SP2: variants seen among roughly 807,000 people sequenced by gnomAD.
The protein encoded by SP2 is transcription factor Sp2.
Under a neutral mutation model 50.1 loss-of-function variants are expected in SP2, and 9 were observed. That is an observed-to-expected ratio of 0.18 (90% CI 0.11 to 0.31). SP2 has a LOEUF of 0.31. SP2 is among the 10% of genes least tolerant of loss of function. The pLI, the probability that SP2 is intolerant of heterozygous loss-of-function variation, is 1.00. For synonymous variants in SP2, 313 were observed against 326.6 expected (o/e 0.96, Z 0.45); for missense variants, 581 against 806.5 (o/e 0.72, Z 3.39).
chr17:47,918,016 G>A (rs1431299558), intron 3 of SP2, among the ~76,000 whole-genome samples: 1 of 152,100 alleles, frequency 6.6e-6, no homozygotes, highest in Admixed American at 6.5e-5. Flanking sequence ...GGAACCAGGA[G>A]TCAATTGAGA....
chr17:47,916,503 A>G lies in SP2; in HGVS notation c.432A>G (p.Gln144=). 1.2e-6 allele frequency: 2 copies of G among 1,614,032 alleles called. No individual in the cohort carries two copies. The highest frequency in any genetic ancestry group is 1.7e-6 in the Non-Finnish European group (2 of 1,179,992). ...CTCAGATTCAGGCAAGCAATTCCCA[A>G]ACCATCCAAGTACAGCCCAATCTCA... ...AVPQIQASNS[Q]TIQVQPNLTN... Residue 144 remains glutamine (Q), a synonymous_variant, in exon 3 of 7, where the codon CAA becomes CAG. Transcript: ENST00000376741. This position sits in a 1 kb window ranked among gnomAD's most constrained non-coding sequence, Gnocchi z 4.7.
downstream of SP2, among the ~76,000 whole-genome samples, chr17:47,929,198 C>G (rs1260919291): frequency 6.6e-6 from 1 of 152,268 alleles, no homozygotes; most frequent in Non-Finnish European, 1.5e-5. Flanking sequence ...GTGTTCCTGC[C>G]TTTTTCTTCT....
intron 1 of SP2, among the ~76,000 whole-genome samples, chr17:47,913,461 C>G (rs2035069196): frequency 6.6e-6 from 1 of 152,188 alleles, no homozygotes; most frequent in Non-Finnish European, 1.5e-5. Flanking sequence ...GGATTGAAGT[C>G]TGACTCTGCC....
At chr17:47,903,039 AG>A in intron 1 of SP2, among the ~76,000 whole-genome samples, 1 of 152,312 alleles carries the variant, frequency 6.6e-6, no homozygotes, top group South Asian at 2.1e-4. Context: ...TACAGGCGTG[AG>A]CCACAGCGCC....
chr17:47,922,887 TG>T, intron 3 of SP2, 74 bp from the exon 4 acceptor site: 1 of 1,347,776 alleles, frequency 7.4e-7, no homozygotes. Context: ...AGTTCTCACT[TG>T]GGCAGGGACA....
chr17:47,926,122 G>T (rs1403669517), intron 6 of SP2, among the ~76,000 whole-genome samples: 1 of 151,018 alleles, frequency 6.6e-6, no homozygotes, highest in Non-Finnish European at 1.5e-5. Context: ...TCACCATGTT[G>T]GCCAGGCTGG....
intron 1 of SP2, among the ~76,000 whole-genome samples, chr17:47,911,864 G>A (rs985992096): frequency 6.6e-6 from 1 of 151,858 alleles, no homozygotes; most frequent in Non-Finnish European, 1.5e-5. Context: ...AGGCCTCTGC[G>A]GAGATGCCTG....
intron 1 of SP2, among the ~76,000 whole-genome samples, chr17:47,910,897 G>A (rs750991703): frequency 6.6e-6 from 1 of 152,188 alleles, no homozygotes; most frequent in Non-Finnish European, 1.5e-5. Flanking sequence ...TTATGCAGCA[G>A]TTACCTGGTG....
At position 47,928,169 on chromosome 17, in the gene SP2, C is replaced by T. The variant is rs2035724514; in HGVS notation, c.*345C>T. On this transcript the variant is annotated 3_prime_UTR_variant, in exon 7 of 7. Coordinates refer to ENST00000376741, the MANE Select transcript of SP2 (RefSeq NM_003110.6). ...GAGGAGCAAAGTGAGCCCCTACCCC[C>T]CACCCCGATCCCCGCTCCCAACACT... is the stretch of plus-strand genomic sequence containing the variant. 4.8e-6 allele frequency: 1 copy of T among 206,666 alleles called. No homozygotes were observed. Among genetic ancestry groups the T allele is most frequent in the Non-Finnish European group, 1.0e-5 (1 of 97,970 alleles). The allele number at this position is 206,666 out of a possible 1,614,324, so 12.8% of individuals were successfully genotyped here. A position where few individuals can be genotyped will look rare whatever the true frequency, so the allele number is the denominator to read the frequency against.
intron 6 of SP2, among the ~76,000 whole-genome samples, chr17:47,925,904 C>CATTTTTT (rs1567704810): frequency 1.2e-4 from 14 of 119,470 alleles, no homozygotes; most frequent in African/African-American, 3.6e-4. Context: ...TTTGTTTATG[C>CATTTTTT]CTTTTTTTTT....
At chr17:47,910,813 A>G (rs188184759) in intron 1 of SP2, among the ~76,000 whole-genome samples, 9 of 152,346 alleles carry the variant, frequency 5.9e-5, no homozygotes, top group Admixed American at 3.9e-4. Flanking sequence ...AATGTGCAGA[A>G]TGAAGTTGTC....
At position 47,916,314 on chromosome 17, in the gene SP2, G is replaced by C; in HGVS notation, c.243G>C (p.Lys81Asn). ...KPAPLPLSPGKNSFGILSSKG... is the reference protein window; with the variant it reads ...KPAPLPLSPGNNSFGILSSKG... The stretch of plus-strand genomic sequence containing the variant: ...CCCCTCTCCCTCTCAGCCCCGGCAA[G>C]AATAGCTTTGGAATCTTGTCCTCCA... The change falls in exon 3 of 7, where the codon AAG becomes AAC. Residue 81 changes from lysine to asparagine, a missense_variant. By Grantham distance (94) the Lys-to-Asn change is moderately conservative. Around this residue, in one of 2 missense-constraint regions of SP2, gnomAD observed 397 missense variants for 491.0 expected, o/e 0.81. Coordinates refer to ENST00000376741, the MANE Select transcript of SP2 (RefSeq NM_003110.6). The surrounding 1 kb of genome is among the most constrained non-coding windows in gnomAD (Gnocchi z 4.7). 1 of 1,614,124 alleles carries C rather than the reference G, an allele frequency of 6.2e-7. No individual in the cohort carries two copies. The highest frequency in any genetic ancestry group is 1.1e-5 in the South Asian group (1 of 91,082).
At chr17:47,896,982 A>G (rs2034363938) in intron 1 of SP2, among the ~76,000 whole-genome samples, 2 of 152,232 alleles carry the variant, frequency 1.3e-5, no homozygotes, top group South Asian at 4.1e-4. Flanking sequence ...CCAGCTAGAT[A>G]TCTGCAAGCT....
chr17:47,912,924 A>AT (rs1486147015), intron 1 of SP2, among the ~76,000 whole-genome samples: 15 of 151,186 alleles, frequency 9.9e-5, no homozygotes, highest in Non-Finnish European at 1.8e-4. Flanking sequence ...CAGTGGTACG[A>AT]TCTCAGCTCA....
intron 2 of SP2, among the ~76,000 whole-genome samples, chr17:47,915,928 G>T (rs1267074350): frequency 1.3e-5 from 2 of 152,122 alleles, no homozygotes; most frequent in Non-Finnish European, 2.9e-5. Flanking sequence ...GTGCTGCCAG[G>T]GGTTCCTTCC....
At chr17:47,906,798 A>G (rs966755152) in intron 1 of SP2, among the ~76,000 whole-genome samples, 4 of 152,176 alleles carry the variant, frequency 2.6e-5, no homozygotes, top group Non-Finnish European at 5.9e-5. Flanking sequence ...GAAGACCCAC[A>G]GAGGGCTGGA....
At chr17:47,908,123 G>C (rs755972582) in intron 1 of SP2, among the ~76,000 whole-genome samples, 22 of 152,310 alleles carry the variant, frequency 1.4e-4, no homozygotes, top group Admixed American at 2.6e-4. Flanking sequence ...ATGAAACCAA[G>C]CTGAAATGGT....
At chr17:47,929,991 C>T (rs1267697237), downstream of SP2, 2 of 152,200 alleles carry the variant, frequency 1.3e-5, no homozygotes, top group Admixed American at 6.5e-5. Flanking sequence ...GTAAAAAGCC[C>T]ACAGATCTCA....
At chr17:47,906,497 G>T (rs2034766927) in intron 1 of SP2, among the ~76,000 whole-genome samples, 1 of 152,190 alleles carries the variant, frequency 6.6e-6, no homozygotes, top group African/African-American at 2.4e-5. Context: ...GTTCCCAAAG[G>T]AGTTAGCCTC....
Sources: gnomAD v4.1 joint callset for allele counts (sites outside exome capture counted in the v4.1 genomes callset) on GRCh38, gnomAD v4.1.1 for gene constraint, gnomAD v4.1.1 regional missense constraint, Gnocchi (gnomAD v3.1) non-coding constraint, MANE v1.5 for transcripts, NCBI Gene and HGNC (gene_info 2026-07-23, HGNC 2026-07-21) for gene names.